The following PPFIA2 variants were observed in gnomAD, a reference collection of about 807,000 sequenced individuals.
The protein encoded by PPFIA2 is PPFI scaffold protein A2, also known as liprin-alpha-2.
PPFIA2 carries 46 observed loss-of-function variants against 175.5 expected under a neutral mutation model. The ratio of observed to expected loss-of-function variants is 0.26; its 90% CI spans 0.21 to 0.34. PPFIA2 has a LOEUF of 0.34. Ranked by LOEUF, PPFIA2 falls within the 10% of genes least tolerant of loss-of-function variation. The pLI is 1.00. For missense variants in PPFIA2, 1,179 were observed against 1,506.1 expected, an observed-to-expected ratio of 0.78 and a Z score of 3.60; for synonymous variants, 568 against 511.4, an observed-to-expected ratio of 1.11 and a Z score of -1.49.
rs757691635 is a variant in PPFIA2, at chr12:81,358,208, T to C, written c.1647A>G (p.Leu549=). Residue 549 remains leucine, a synonymous_variant, in exon 16 of 33, where the codon CTA becomes CTG. Coordinates refer to ENST00000549396, the MANE Select transcript of PPFIA2 (RefSeq NM_003625.5). ...LIEPTIPRTH[L]DTSAELRYSV... is the part of the protein sequence containing the mutation. The stretch of plus-strand genomic sequence containing the variant: ...AGTACCGCAACTCAGCTGAGGTGTC[T>C]AGATGAGTTCTGGAAAAAAGGAAAA... 3 of 1,584,052 alleles carry C rather than the reference T, an allele frequency of 1.9e-6. No individual in the cohort carries two copies. In the South Asian group the frequency reaches 3.5e-5, roughly 18 times the overall value.
At chr12:81,588,894 T>A (rs977574146) in intron 4 of PPFIA2, among the ~76,000 whole-genome samples, 5 of 152,002 alleles carry the variant, frequency 3.3e-5, no homozygotes, top group Non-Finnish European at 7.4e-5. Context: ...CCAAGTCATT[T>A]ACATACTTCC....
rs147748070 is a variant in PPFIA2 at position 81,573,364 on chromosome 12, G to A, written c.303+103427C>T. 5.9e-4 allele frequency among the ~76,000 whole-genome samples: 90 copies of A among 151,884 alleles called. 3 individuals are homozygous for A. The East Asian group carries it at 0.016, about 27-fold the overall frequency. ...GCGGTGAGAAAATAGTCAATTTCTT[G>A]CTAACAACAACACAAAAGTGGTTTA... On this transcript the variant is annotated intron_variant, in intron 4 of 32. Coordinates refer to ENST00000549396, the MANE Select transcript of PPFIA2 (RefSeq NM_003625.5).
chr12:81,692,791 A>G (rs4842401), intron 3 of PPFIA2, among the ~76,000 whole-genome samples: 2 of 152,102 alleles, frequency 1.3e-5, no homozygotes, highest in Admixed American at 1.3e-4. Flanking sequence ...GTATTGGTCA[A>G]TTTTGAATGT....
rs575494103 is a variant in PPFIA2, at chr12:81,723,894, G to A, written c.249+30079C>T. Among the ~76,000 whole-genome samples the A allele has an allele frequency of 1.1e-4, 16 of 150,982 alleles. No individual in the cohort carries two copies. The East Asian group carries it at 2.5e-3, about 24-fold the overall frequency. On this transcript the variant is annotated intron_variant, in intron 3 of 32. Coordinates refer to ENST00000549396, the MANE Select transcript of PPFIA2 (RefSeq NM_003625.5). The stretch of plus-strand genomic sequence containing the variant: ...TTCATGACTGTAAATAAAATAAATT[G>A]TAAATGGTATTATCTGTTAATTTTA...
At chr12:81,590,034 AT>A (rs1285346414) in intron 4 of PPFIA2, among the ~76,000 whole-genome samples, 1 of 152,048 alleles carries the variant, frequency 6.6e-6, no homozygotes, top group Non-Finnish European at 1.5e-5. Context: ...TGTTCCAGTT[AT>A]TTTAAACATC....
chr12:81,692,485 T>C (rs1445933629), intron 3 of PPFIA2, among the ~76,000 whole-genome samples: 1 of 152,172 alleles, frequency 6.6e-6, no homozygotes, highest in Non-Finnish European at 1.5e-5. Flanking sequence ...ATTCATATAT[T>C]TCTAATCTGT....
chr12:81,348,661 G>C (rs866533580), intron 17 of PPFIA2, among the ~76,000 whole-genome samples: 5 of 152,048 alleles, frequency 3.3e-5, no homozygotes, highest in African/African-American at 1.2e-4. Context: ...GCTTGAACCC[G>C]GGAGGCAGAG....
rs1035867947 is a variant in PPFIA2, at chr12:81,553,144, G to A, written c.304-95278C>T. ...CTCACGGGCTGAGAGGCCAGAGAAG[G>A]TATCTTAGGCGAGCTGTAATCTGAG... is the stretch of plus-strand genomic sequence containing the variant. On this transcript the variant is annotated intron_variant, in intron 4 of 32. Coordinates refer to ENST00000549396, the MANE Select transcript of PPFIA2 (RefSeq NM_003625.5). Among the ~76,000 whole-genome samples, 2 of 151,982 alleles carry A rather than the reference G, an allele frequency of 1.3e-5. 1 individual carries two copies. The highest frequency in any genetic ancestry group is 3.9e-4 in the East Asian group (2 of 5,182).
At chr12:81,598,245 A>G in intron 4 of PPFIA2, 1 of 1,348,978 alleles carries the variant, frequency 7.4e-7, no homozygotes, top group African/African-American at 1.5e-5. Context: ...CCTTTTGTGA[A>G]GCTAGTTCTC....
rs567991052 is a variant in PPFIA2, at chr12:81,459,032, T to A, written c.304-1166A>T. ...ATGCAAAGCTGGGGAAGGTTTGGAG[T>A]TTATATTTTTGTTTGCTTCAAATCA... On this transcript the variant is annotated intron_variant, in intron 4 of 32. Coordinates refer to ENST00000549396, the MANE Select transcript of PPFIA2 (RefSeq NM_003625.5). Among the ~76,000 whole-genome samples the A allele has an allele frequency of 2.5e-4, 38 of 152,010 alleles. No individual in the cohort carries two copies. In the East Asian group the frequency reaches 7.0e-3, roughly 28 times the overall value.
intron 4 of PPFIA2, among the ~76,000 whole-genome samples, chr12:81,482,672 C>T (rs1023826385): frequency 7.9e-5 from 12 of 152,100 alleles, no homozygotes; most frequent in Non-Finnish European, 1.3e-4. Context: ...TCACTCATAA[C>T]GGGGAGCTGA....
At position 81,277,899 on chromosome 12, in the gene PPFIA2, A is replaced by C. The variant is rs182770158; in HGVS notation, c.3213-485T>G. 3.3e-5 allele frequency among the ~76,000 whole-genome samples: 5 copies of C among 152,344 alleles called. No homozygotes were observed. The East Asian group carries it at 5.8e-4, about 18-fold the overall frequency. ...AATGAGTAGCTCATAACTCTAAATG[A>C]TACAGAAGTATGTAAGAAGAACCAG... On this transcript the variant is annotated intron_variant, in intron 27 of 32. Transcript: ENST00000549396.
chr12:81,695,707 T>C (rs2075819644), intron 3 of PPFIA2, among the ~76,000 whole-genome samples: 1 of 152,196 alleles, frequency 6.6e-6, no homozygotes, highest in South Asian at 2.1e-4. Flanking sequence ...AGCCTTACTC[T>C]GTTCAGAAAA....
chr12:81,757,736 C>G (rs1043059456), intron 2 of PPFIA2, among the ~76,000 whole-genome samples: 1 of 152,152 alleles, frequency 6.6e-6, no homozygotes, highest in Non-Finnish European at 1.5e-5. Context: ...ATATGCCATC[C>G]AAGCAGTACC....
Position 81,642,704 on chromosome 12 carries a change from A to ATATAATATATACATACACG in PPFIA2, c.303+34086_303+34087insCGTGTATGTATATATTATA, listed in dbSNP as rs1555549360. ...GTATCTATTATATACATACATGTAT[A>ATATAATATATACATACACG]TGTATGTATGTATTATATACATACA... On this transcript the variant is annotated intron_variant, in intron 4 of 32. Transcript: ENST00000549396. Among the ~76,000 whole-genome samples the ATATAATATATACATACACG allele has an allele frequency of 3.3e-3, 31 of 9,464 alleles. 5 individuals are homozygous for ATATAATATATACATACACG. The highest frequency in any genetic ancestry group is 8.4e-3 in the African/African-American group (30 of 3,576). 6.2% of individuals were successfully genotyped at this position (9,464 alleles called of 152,430 possible).
chr12:81,643,574 G>A (rs1305552606), intron 4 of PPFIA2, among the ~76,000 whole-genome samples: 1 of 151,902 alleles, frequency 6.6e-6, no homozygotes, highest in Non-Finnish European at 1.5e-5. Context: ...AGGATTATTT[G>A]AGTTATGGAT....
chr12:81,376,766 G>T (rs1422780655), intron 9 of PPFIA2, among the ~76,000 whole-genome samples: 1 of 152,110 alleles, frequency 6.6e-6, no homozygotes. Context: ...TGTTTCCTGA[G>T]AATGTGGGAA....
intron 4 of PPFIA2, among the ~76,000 whole-genome samples, chr12:81,481,501 G>T (rs1288778337): frequency 6.6e-6 from 1 of 152,072 alleles, no homozygotes; most frequent in East Asian, 1.9e-4. Context: ...ATGCTACAAG[G>T]CTACAGTAAC....
chr12:81,737,746 A>G (rs1312818125), intron 3 of PPFIA2, among the ~76,000 whole-genome samples: 6 of 152,064 alleles, frequency 3.9e-5, no homozygotes, highest in African/African-American at 1.2e-4. Context: ...ATATAGACTC[A>G]ACAGCAAATT....
Sources: gnomAD v4.1 joint callset for allele counts (sites outside exome capture counted in the v4.1 genomes callset) on GRCh38, gnomAD v4.1.1 for gene constraint, MANE v1.5 for transcripts, NCBI Gene and HGNC (gene_info 2026-07-23, HGNC 2026-07-21) for gene names.